Variants in SV2C observed in about 807,000 individuals in gnomAD.
SV2C encodes the protein synaptic vesicle glycoprotein 2C, also known as solute carrier family 22 member B3.
Under a neutral mutation model 79.7 loss-of-function variants are expected in SV2C, and 49 were observed. The observed-to-expected ratio is 0.61, with a 90% CI of 0.49 to 0.78. SV2C has a LOEUF of 0.78. Ranked by LOEUF, SV2C falls within the 30% of genes least tolerant of loss-of-function variation. SV2C has a pLI of 0.00. For synonymous variants in SV2C, 334 were observed against 333.2 expected (o/e 1.00, Z -0.03); for missense variants, 833 against 912.9 (o/e 0.91, Z 1.13).
chr5:76,147,132 A>G (rs1749461604), intron 2 of SV2C, among the ~76,000 whole-genome samples: 1 of 152,224 alleles, frequency 6.6e-6, no homozygotes, highest in Non-Finnish European at 1.5e-5. Flanking sequence ...GGACATAGGC[A>G]ATGGTGATGG....
At chr5:76,146,612 A>G (rs1022235613) in intron 2 of SV2C, among the ~76,000 whole-genome samples, 4 of 152,010 alleles carry the variant, frequency 2.6e-5, no homozygotes, top group Non-Finnish European at 4.4e-5. Flanking sequence ...TATTTTGTAC[A>G]AACCTCCTAT....
chr5:75,899,170 A>G, the SV2C span, among the ~76,000 whole-genome samples: 1 of 152,012 alleles, frequency 6.6e-6, no homozygotes, highest in Non-Finnish European at 1.5e-5. Context: ...TAGGGTGTCA[A>G]TTTTGGATCT....
chr5:76,268,956 A>G (rs1746755676), intron 4 of SV2C, among the ~76,000 whole-genome samples: 1 of 152,238 alleles, frequency 6.6e-6, no homozygotes, highest in South Asian at 2.1e-4. Flanking sequence ...GGGTCTCCTA[A>G]AAGTCGGTTT....
At chr5:75,988,729 T>A in the SV2C span, among the ~76,000 whole-genome samples, 1,246 of 151,944 alleles carry the variant, frequency 8.2e-3, 18 homozygotes, top group African/African-American at 0.028. Flanking sequence ...AACCAGAATA[T>A]GTCACACCAA....
At chr5:76,273,440 C>T (rs941482541) in intron 4 of SV2C, among the ~76,000 whole-genome samples, 1 of 151,934 alleles carries the variant, frequency 6.6e-6, no homozygotes, top group Non-Finnish European at 1.5e-5. Context: ...CCCTCATTCA[C>T]TCTTTGCATA....
At chr5:76,336,181 T>G (rs1749321055), downstream of SV2C, among the ~76,000 whole-genome samples, 1 of 150,202 alleles carries the variant, frequency 6.7e-6, no homozygotes, top group Non-Finnish European at 1.5e-5. Flanking sequence ...ATGGGGTGGC[T>G]GCCGGGCAGA....
chr5:76,214,237 A>T (rs936231419), intron 4 of SV2C, among the ~76,000 whole-genome samples: 6 of 152,154 alleles, frequency 3.9e-5, no homozygotes, highest in African/African-American at 1.4e-4. Flanking sequence ...TTCCAATTTC[A>T]TTCTTTTGCA....
chr5:76,004,008 T>C, the SV2C span, among the ~76,000 whole-genome samples: 8 of 151,706 alleles, frequency 5.3e-5, no homozygotes, highest in Non-Finnish European at 7.4e-5. Flanking sequence ...GTGGCTTTTA[T>C]GGAGAGCTGC....
chr5:76,206,228 T>C (rs1430708332), intron 3 of SV2C, among the ~76,000 whole-genome samples: 2 of 152,206 alleles, frequency 1.3e-5, no homozygotes. Context: ...CCAAATTATG[T>C]TGTAAGACCT....
At chr5:76,000,998 G>A in the SV2C span, among the ~76,000 whole-genome samples, 17 of 145,936 alleles carry the variant, frequency 1.2e-4, no homozygotes, top group African/African-American at 4.0e-4. Context: ...AGTACCACTC[G>A]GTACAATTAA....
chr5:76,142,175 T>C (rs1051632380), intron 2 of SV2C, among the ~76,000 whole-genome samples: 2 of 152,180 alleles, frequency 1.3e-5, no homozygotes, highest in Non-Finnish European at 2.9e-5. Flanking sequence ...TACCCTAAAT[T>C]TAGAAATTTC....
At chr5:75,992,179 C>A in the SV2C span, among the ~76,000 whole-genome samples, 1 of 151,882 alleles carries the variant, frequency 6.6e-6, no homozygotes, top group African/African-American at 2.4e-5. Flanking sequence ...TTTGGGCAAG[C>A]TTTTAATTCG....
Position 76,308,924 on chromosome 5 carries a change from A to G in SV2C, c.2000+7379A>G, listed in dbSNP as rs184763490. Among the ~76,000 whole-genome samples, 11 of 152,272 alleles carry G rather than the reference A, an allele frequency of 7.2e-5. No individual in the cohort carries two copies. The East Asian group carries it at 2.1e-3, about 29-fold the overall frequency. On this transcript the variant is annotated intron_variant, in intron 12 of 12. Coordinates refer to ENST00000502798, the MANE Select transcript of SV2C (RefSeq NM_014979.4). ...CCTATGATACAACCGTGAGTAAATC[A>G]GTTGTGGTCTTTATTCTCATAAGCA...
the SV2C span, among the ~76,000 whole-genome samples, chr5:75,931,834 C>T: frequency 6.6e-6 from 1 of 152,156 alleles, no homozygotes; most frequent in Admixed American, 6.5e-5. Context: ...AATAAGCCCT[C>T]ACTAATTCCT....
At chr5:76,305,073 G>A (rs1400977977) in intron 12 of SV2C, among the ~76,000 whole-genome samples, 4 of 152,082 alleles carry the variant, frequency 2.6e-5, no homozygotes, top group African/African-American at 9.7e-5. Flanking sequence ...AGAGCTCAAG[G>A]GGAGGTGCCA....
At chr5:76,248,452 C>T (rs766268235) in intron 4 of SV2C, among the ~76,000 whole-genome samples, 5 of 152,098 alleles carry the variant, frequency 3.3e-5, no homozygotes, top group South Asian at 4.2e-4. Context: ...TCAGGCCCAC[C>T]TTAATGAACC....
At chr5:75,967,256 A>T in the SV2C span, among the ~76,000 whole-genome samples, 1 of 152,130 alleles carries the variant, frequency 6.6e-6, no homozygotes, top group Non-Finnish European at 1.5e-5. Context: ...GACACAGAAG[A>T]CGGGTGATTT....
chr5:76,156,920 G>A (rs1288244111), intron 2 of SV2C, among the ~76,000 whole-genome samples: 1 of 152,066 alleles, frequency 6.6e-6, no homozygotes, highest in African/African-American at 2.4e-5. Context: ...AGACACCATT[G>A]AGTGCACCAA....
At chr5:76,347,256 G>C (rs1486868432) in intron 12 of SV2C, among the ~76,000 whole-genome samples, 1 of 152,148 alleles carries the variant, frequency 6.6e-6, no homozygotes, top group Non-Finnish European at 1.5e-5. Context: ...ATCTATGGAT[G>C]GGGGATAACT....
Sources: gnomAD v4.1 joint callset for allele counts (sites outside exome capture counted in the v4.1 genomes callset) on GRCh38, gnomAD v4.1.1 for gene constraint, MANE v1.5 for transcripts, NCBI Gene and HGNC (gene_info 2026-07-23, HGNC 2026-07-21) for gene names.